CNTNAP2: variants seen among roughly 807,000 people sequenced by gnomAD.
CNTNAP2 encodes the protein contactin-associated protein-like 2.
Under a neutral mutation model 155.2 loss-of-function variants are expected in CNTNAP2, and 98 were observed. The observed-to-expected ratio is 0.63, with a 90% CI of 0.54 to 0.75. The LOEUF is 0.75. Ranked by LOEUF, CNTNAP2 falls within the 30% of genes least tolerant of loss-of-function variation. CNTNAP2 has a pLI of 0.00. For synonymous variants in CNTNAP2, 651 were observed against 631.2 expected (o/e 1.03, Z -0.47); for missense variants, 1,727 against 1,688.1 (o/e 1.02, Z -0.40).
At chr7:147,827,193 A>C (rs1798466461) in intron 13 of CNTNAP2, among the ~76,000 whole-genome samples, 1 of 152,162 alleles carries the variant, frequency 6.6e-6, no homozygotes, top group African/African-American at 2.4e-5. Flanking sequence ...TTCTATAATA[A>C]CTTTAGTAAT....
chr7:147,429,638 C>A (rs1353936910), intron 10 of CNTNAP2, among the ~76,000 whole-genome samples: 1 of 152,050 alleles, frequency 6.6e-6, no homozygotes, highest in Non-Finnish European at 1.5e-5. Context: ...ATCTTTTTGC[C>A]TAAGCTATGT....
intron 14 of CNTNAP2, among the ~76,000 whole-genome samples, chr7:147,965,766 C>T (rs1050286778): frequency 6.6e-6 from 1 of 152,090 alleles, no homozygotes; most frequent in Non-Finnish European, 1.5e-5. Context: ...CTTTCCATGG[C>T]TGCATTCTGA....
At position 147,876,312 on chromosome 7, in the gene CNTNAP2, T is replaced by G. The variant is rs1799418272; in HGVS notation, c.2099-27253T>G. On this transcript the variant is annotated intron_variant, in intron 13 of 23. Coordinates refer to ENST00000361727, the MANE Select transcript of CNTNAP2 (RefSeq NM_014141.6). ...ATTGTCCTCCTCTTATTGCTTATTA[T>G]TATTAGTGCTGCTGTGCGAAAAGTT... Among the ~76,000 whole-genome samples the G allele has an allele frequency of 5.9e-5, 9 of 152,330 alleles. No individual in the cohort carries two copies. The South Asian group carries it at 1.5e-3, about 25-fold the overall frequency.
chr7:146,314,129 C>G (rs1263626459), intron 1 of CNTNAP2, among the ~76,000 whole-genome samples: 1 of 152,130 alleles, frequency 6.6e-6, no homozygotes, highest in Non-Finnish European at 1.5e-5. Flanking sequence ...CCGTCATTTC[C>G]TATTATGTAT....
chr7:146,398,349 C>T (rs538354928), intron 1 of CNTNAP2, among the ~76,000 whole-genome samples: 13 of 151,954 alleles, frequency 8.6e-5, no homozygotes, highest in African/African-American at 2.2e-4. Flanking sequence ...TCCTTCTTCA[C>T]GTGGTGGCAA....
chr7:148,323,122 T>C (rs1292695476), intron 21 of CNTNAP2, among the ~76,000 whole-genome samples: 2 of 152,078 alleles, frequency 1.3e-5, no homozygotes, highest in Non-Finnish European at 2.9e-5. Flanking sequence ...AATCCTGTCC[T>C]ATCACCCCCA....
chr7:146,329,796 A>T (rs536437474), intron 1 of CNTNAP2, among the ~76,000 whole-genome samples: 45 of 152,256 alleles, frequency 3.0e-4, no homozygotes, highest in African/African-American at 1.1e-3. Context: ...ACTTGAAGGC[A>T]TTCTATGTAC....
At chr7:147,536,533 TG>T (rs1269522176) in intron 11 of CNTNAP2, among the ~76,000 whole-genome samples, 1 of 152,154 alleles carries the variant, frequency 6.6e-6, no homozygotes, top group Admixed American at 6.5e-5. Flanking sequence ...TTGTGCCCAC[TG>T]GGACTTCTGT....
chr7:146,889,350 A>G (rs140797123), intron 3 of CNTNAP2, among the ~76,000 whole-genome samples: 1 of 152,264 alleles, frequency 6.6e-6, no homozygotes, highest in African/African-American at 2.4e-5. Flanking sequence ...GAATACAGCA[A>G]TAGACTTCAG....
chr7:147,525,996 C>T (rs1405664133), intron 11 of CNTNAP2, among the ~76,000 whole-genome samples: 1 of 151,752 alleles, frequency 6.6e-6, no homozygotes, highest in Non-Finnish European at 1.5e-5. Flanking sequence ...AGTTTGACAC[C>T]AGCCTGTCCA....
At chr7:146,258,358 T>G (rs1485652936) in intron 1 of CNTNAP2, among the ~76,000 whole-genome samples, 1 of 152,222 alleles carries the variant, frequency 6.6e-6, no homozygotes, top group Non-Finnish European at 1.5e-5. Flanking sequence ...TTATACATTT[T>G]TTAATATGTA....
chr7:146,898,565 G>A (rs1350507931), intron 3 of CNTNAP2, among the ~76,000 whole-genome samples: 1 of 151,832 alleles, frequency 6.6e-6, no homozygotes, highest in African/African-American at 2.4e-5. Flanking sequence ...GTGTGTGTGT[G>A]TATGAATAAT....
intron 3 of CNTNAP2, among the ~76,000 whole-genome samples, chr7:146,905,792 G>A (rs992761664): frequency 2.0e-5 from 3 of 152,312 alleles, no homozygotes; most frequent in African/African-American, 7.2e-5. Context: ...TACGAAGGAG[G>A]AGCCAAGATG....
At chr7:147,566,454 G>A (rs1390032736) in intron 12 of CNTNAP2, among the ~76,000 whole-genome samples, 1 of 152,024 alleles carries the variant, frequency 6.6e-6, no homozygotes, top group African/African-American at 2.4e-5. Flanking sequence ...ACACTGCTAT[G>A]AAGAACTTCC....
At chr7:146,711,546 T>A (rs1392090149) in intron 1 of CNTNAP2, among the ~76,000 whole-genome samples, 1 of 149,224 alleles carries the variant, frequency 6.7e-6, no homozygotes. Flanking sequence ...TGCTTTTGAG[T>A]AGACTGACCC....
intron 8 of CNTNAP2, among the ~76,000 whole-genome samples, chr7:147,239,420 G>T (rs1803890004): frequency 6.7e-6 from 1 of 150,098 alleles, no homozygotes; most frequent in Admixed American, 6.7e-5. Context: ...TGAGGCAGGA[G>T]AATCACTTGA....
chr7:147,999,324 C>T (rs1157095014), intron 15 of CNTNAP2, among the ~76,000 whole-genome samples: 3 of 152,174 alleles, frequency 2.0e-5, no homozygotes, highest in African/African-American at 7.2e-5. Flanking sequence ...GATCCGCCCA[C>T]CTCGGCCTCC....
intron 21 of CNTNAP2, among the ~76,000 whole-genome samples, chr7:148,293,536 TC>T (rs994943678): frequency 6.6e-6 from 1 of 152,110 alleles, no homozygotes; most frequent in Non-Finnish European, 1.5e-5. Context: ...TGGGATATAA[TC>T]CCCCAAAATT....
intron 1 of CNTNAP2, among the ~76,000 whole-genome samples, chr7:146,491,091 C>T (rs773973148): frequency 3.3e-5 from 5 of 151,576 alleles, no homozygotes; most frequent in Non-Finnish European, 5.9e-5. Flanking sequence ...TGCAAAGCCC[C>T]CCCAAAAAAA....
Sources: gnomAD v4.1 joint callset for allele counts (sites outside exome capture counted in the v4.1 genomes callset) on GRCh38, gnomAD v4.1.1 for gene constraint, MANE v1.5 for transcripts, NCBI Gene and HGNC (gene_info 2026-07-23, HGNC 2026-07-21) for gene names.